NRXN3: variants seen among roughly 807,000 people sequenced by gnomAD.
The protein encoded by NRXN3 is neurexin 3, also known as neurexin III.
NRXN3 carries 32 observed loss-of-function variants against 137.6 expected under a neutral mutation model. That is an observed-to-expected ratio of 0.23 (90% CI 0.18 to 0.31). The LOEUF (loss-of-function observed/expected upper bound fraction) is 0.31, where lower values mean the gene tolerates loss of function less well. NRXN3 is among the 10% of genes least tolerant of loss of function. NRXN3 has a pLI of 1.00. For missense variants in NRXN3, 1,574 were observed against 2,062.5 expected (o/e 0.76, Z 4.59); for synonymous variants, 798 against 784.5 (o/e 1.02, Z -0.29).
At chr14:79,172,141 A>G (rs147729864) in intron 15 of NRXN3, among the ~76,000 whole-genome samples, 112 of 152,008 alleles carry the variant, frequency 7.4e-4, no homozygotes, top group Middle Eastern at 3.4e-3. Flanking sequence ...CAAACAATAC[A>G]TGAAGAACTA....
chr14:79,227,739 C>CCTTCCT, intron 15 of NRXN3, among the ~76,000 whole-genome samples: 1 of 63,822 alleles, frequency 1.6e-5, no homozygotes, highest in Non-Finnish European at 3.2e-5. Context: ...TCTCCTTTCT[C>CCTTCCT]TCCTTCCTTC....
chr14:78,292,912 G>A (rs187878807), intron 3 of NRXN3, among the ~76,000 whole-genome samples: 1 of 152,120 alleles, frequency 6.6e-6, no homozygotes, highest in Non-Finnish European at 1.5e-5. Context: ...CTGCTGATGG[G>A]CATGCATTTT....
intron 6 of NRXN3, among the ~76,000 whole-genome samples, chr14:78,674,602 G>A (rs534543726): frequency 6.6e-6 from 1 of 152,144 alleles, no homozygotes; most frequent in Non-Finnish European, 1.5e-5. Flanking sequence ...AGAAGTTGTG[G>A]TTTCGGTGCT....
At chr14:78,367,644 C>T (rs1376729163) in intron 4 of NRXN3, among the ~76,000 whole-genome samples, 1 of 152,210 alleles carries the variant, frequency 6.6e-6, no homozygotes, top group Non-Finnish European at 1.5e-5. Flanking sequence ...ATCAAACCTG[C>T]CTTTGGGAAG....
chr14:78,252,497 A>C (rs1456992387), intron 2 of NRXN3, among the ~76,000 whole-genome samples: 1 of 152,162 alleles, frequency 6.6e-6, no homozygotes, highest in Non-Finnish European at 1.5e-5. Flanking sequence ...TAGCTAAGAA[A>C]ATGACTCTGG....
At chr14:79,649,546 G>C (rs2098466403) in intron 16 of NRXN3, among the ~76,000 whole-genome samples, 1 of 143,530 alleles carries the variant, frequency 7.0e-6, no homozygotes, top group Middle Eastern at 3.7e-3. Context: ...CTAAGCTGTA[G>C]CATGTTTATG....
chr14:79,687,590 T>C (rs1476667161), intron 17 of NRXN3, among the ~76,000 whole-genome samples: 1 of 152,160 alleles, frequency 6.6e-6, no homozygotes, highest in African/African-American at 2.4e-5. Context: ...TGTTCCTCCT[T>C]TATTTCAGGG....
intron 15 of NRXN3, among the ~76,000 whole-genome samples, chr14:79,143,202 A>G (rs1006726288): frequency 6.6e-6 from 1 of 152,192 alleles, no homozygotes; most frequent in African/African-American, 2.4e-5. Flanking sequence ...AACAGGGTAG[A>G]ACTCAGCACA....
At chr14:78,918,102 A>G (rs1033203212) in intron 10 of NRXN3, among the ~76,000 whole-genome samples, 4 of 151,696 alleles carry the variant, frequency 2.6e-5, no homozygotes, top group African/African-American at 9.7e-5. Context: ...CCTGACAAAC[A>G]TGGAGAAACC....
At chr14:79,327,137 T>C (rs925092248) in intron 15 of NRXN3, among the ~76,000 whole-genome samples, 17 of 152,128 alleles carry the variant, frequency 1.1e-4, no homozygotes, top group Non-Finnish European at 2.2e-4. Context: ...TCAGGGAAAG[T>C]AGGCATTATA....
intron 15 of NRXN3, among the ~76,000 whole-genome samples, chr14:79,282,528 A>C (rs2081447558): frequency 6.6e-6 from 1 of 152,046 alleles, no homozygotes; most frequent in African/African-American, 2.4e-5. Flanking sequence ...AAAGGGGTTG[A>C]GCCTTGCACA....
intron 16 of NRXN3, among the ~76,000 whole-genome samples, chr14:79,636,701 G>C (rs1273588219): frequency 1.3e-5 from 2 of 152,148 alleles, no homozygotes; most frequent in African/African-American, 4.8e-5. Context: ...ATATTACTAA[G>C]AAGTGTAAAA....
At chr14:78,427,465 A>C (rs560086090) in intron 4 of NRXN3, among the ~76,000 whole-genome samples, 154 of 152,300 alleles carry the variant, frequency 1.0e-3, no homozygotes, top group African/African-American at 3.6e-3. Context: ...TGCCAGCTTT[A>C]TTTAAAAGAT....
chr14:78,681,870 T>C (rs1436259478), intron 6 of NRXN3, among the ~76,000 whole-genome samples: 1 of 151,874 alleles, frequency 6.6e-6, no homozygotes, highest in Non-Finnish European at 1.5e-5. Flanking sequence ...GTTTTTTTTG[T>C]TGTTGTTGCT....
intron 15 of NRXN3, among the ~76,000 whole-genome samples, chr14:79,409,617 C>CTATATA (rs796485268): frequency 0.083 from 9,295 of 111,886 alleles, 467 homozygotes; most frequent in South Asian, 0.15. Context: ...GTGTGTGTGT[C>CTATATA]TATATATATA....
chr14:78,762,939 A>C (rs1341921063), intron 8 of NRXN3, among the ~76,000 whole-genome samples: 1 of 152,188 alleles, frequency 6.6e-6, no homozygotes, highest in East Asian at 1.9e-4. Flanking sequence ...GGAGCCTTCC[A>C]TGCTGTCCAG....
intron 19 of NRXN3, among the ~76,000 whole-genome samples, chr14:79,801,447 A>G (rs151004789): frequency 6.6e-6 from 1 of 152,338 alleles, no homozygotes; most frequent in East Asian, 1.9e-4. Flanking sequence ...AGGAGTGGCT[A>G]TCAGGCTTGG....
chr14:79,652,526 T>C (rs1304383753), intron 16 of NRXN3, among the ~76,000 whole-genome samples: 2 of 152,172 alleles, frequency 1.3e-5, no homozygotes, highest in African/African-American at 2.4e-5. Flanking sequence ...TGAAACTTAC[T>C]CACTTTATAC....
chr14:78,298,489 A>G (rs2076571820), intron 4 of NRXN3, among the ~76,000 whole-genome samples: 1 of 152,266 alleles, frequency 6.6e-6, no homozygotes, highest in African/African-American at 2.4e-5. Flanking sequence ...TAAATTCAGC[A>G]TCTGCAACCT....
Sources: allele counts gnomAD v4.1 joint callset (sites outside exome capture counted in the v4.1 genomes callset), GRCh38; gene constraint gnomAD v4.1.1; transcripts MANE v1.5; gene names NCBI Gene and HGNC (gene_info 2026-07-23, HGNC 2026-07-21).